Variants in THSD7A observed in about 807,000 individuals in gnomAD.
The protein encoded by THSD7A is thrombospondin type 1 domain containing 7A.
A neutral mutation model predicts 231.3 loss-of-function variants in THSD7A; 96 were observed. That is an observed-to-expected ratio of 0.41 (90% CI 0.35 to 0.49). The LOEUF (loss-of-function observed/expected upper bound fraction) is 0.49. Among genes scored for constraint, THSD7A ranks in the 20% least tolerant of loss-of-function variants. The pLI, the probability that THSD7A is intolerant of heterozygous loss-of-function variation, is 0.05. For missense variants in THSD7A, 2,290 were observed against 2,070.2 expected (o/e 1.11, Z -2.06); for synonymous variants, 940 against 743.3 (o/e 1.26, Z -4.30).
At chr7:11,524,691 C>T (rs1788401895) in intron 6 of THSD7A, among the ~76,000 whole-genome samples, 1 of 152,108 alleles carries the variant, frequency 6.6e-6, no homozygotes, top group African/African-American at 2.4e-5. Context: ...TTTTCCTCCT[C>T]TTATACACAT....
intron 1 of THSD7A, among the ~76,000 whole-genome samples, chr7:11,776,465 C>G (rs924068239): frequency 6.6e-6 from 1 of 152,140 alleles, no homozygotes; most frequent in African/African-American, 2.4e-5. Context: ...ATTATCTAGT[C>G]TCTATTCACA....
At chr7:11,649,147 G>C (rs567256368) in intron 1 of THSD7A, among the ~76,000 whole-genome samples, 1 of 152,092 alleles carries the variant, frequency 6.6e-6, no homozygotes, top group Admixed American at 6.6e-5. Context: ...ATTCAGTCTG[G>C]GGGAAGCCAT....
In THSD7A at chr7:11,576,055, G is replaced by A. The variant is rs536646415; in HGVS notation, c.1453+14405C>T. ...TTAATGCAGTGTTCCTTTCTACATT[G>A]GCTATTACAAGCTTAGAGCCAGAAG... is the stretch of plus-strand genomic sequence containing the variant. On this transcript the variant is annotated intron_variant, in intron 4 of 27. Coordinates refer to ENST00000423059, the MANE Select transcript of THSD7A (RefSeq NM_015204.3). Among the ~76,000 whole-genome samples, 9 of 152,128 alleles carry A rather than the reference G, an allele frequency of 5.9e-5. No individual in the cohort carries two copies. In the South Asian group the frequency reaches 8.3e-4, roughly 14 times the overall value.
chr7:11,417,602 A>T lies in THSD7A; in HGVS notation c.3385T>A (p.Cys1129Ser). Residue 1129 changes from cysteine to serine, a missense_variant and splice_region_variant, in exon 17 of 28, where the codon TGC (cysteine) becomes AGC (serine). By Grantham distance (112) the Cys-to-Ser change is moderately radical. Transcript: ENST00000423059. ...GGGCCATCTGCTGTATTCTGCATGC[A>T]TCTAGAAAAGAACATAAACATATTC... Reference protein sequence around the residue: ...GEGVQTRKVRCMQNTADGPSE... With the variant: ...GEGVQTRKVRSMQNTADGPSE... 1 of 1,596,224 alleles carries T rather than the reference A, an allele frequency of 6.3e-7. No individual in the cohort carries two copies. The highest frequency in any genetic ancestry group is 2.2e-5 in the East Asian group (1 of 44,784).
intron 4 of THSD7A, among the ~76,000 whole-genome samples, chr7:11,547,456 T>G (rs1212225762): frequency 6.6e-6 from 1 of 152,092 alleles, no homozygotes; most frequent in African/African-American, 2.4e-5. Flanking sequence ...TGGAGAAAAC[T>G]AACAGATATC....
At position 11,640,024 on chromosome 7, in the gene THSD7A, C is replaced by T. The variant is rs560106389; in HGVS notation, c.191-3063G>A. On this transcript the variant is annotated intron_variant, in intron 1 of 27. Coordinates refer to ENST00000423059, the MANE Select transcript of THSD7A (RefSeq NM_015204.3). ...TGCTTTGAAAATGATTCATCATTTA[C>T]TGACATCAAATTATGGAGAGCTCCC... 3.3e-5 allele frequency among the ~76,000 whole-genome samples: 5 copies of T among 152,302 alleles called. No individual in the cohort carries two copies. The South Asian group carries it at 1.0e-3, about 32-fold the overall frequency.
chr7:11,799,981 C>T lies in THSD7A; in HGVS notation c.190+31776G>A, dbSNP rs556462275. On this transcript the variant is annotated intron_variant, in intron 1 of 27. Coordinates refer to ENST00000423059, the MANE Select transcript of THSD7A (RefSeq NM_015204.3). ...CATTTAAAAATAACATAGAACAAGG[C>T]TCTTCTGTTCTTTCTTTGAGATAGG... Among the ~76,000 whole-genome samples the T allele has an allele frequency of 2.6e-5, 4 of 152,274 alleles. No individual in the cohort carries two copies. The East Asian group carries it at 7.7e-4, about 29-fold the overall frequency.
intron 1 of THSD7A, among the ~76,000 whole-genome samples, chr7:11,768,920 C>A (rs1478496916): frequency 2.7e-5 from 4 of 149,376 alleles, no homozygotes; most frequent in Non-Finnish European, 5.9e-5. Context: ...CATAGCCTAT[C>A]ATAATCCATT....
chr7:11,528,119 G>A (rs1174552715), intron 6 of THSD7A, among the ~76,000 whole-genome samples: 1 of 152,126 alleles, frequency 6.6e-6, no homozygotes, highest in East Asian at 1.9e-4. Flanking sequence ...AGTGAGCTAT[G>A]GTCATGCCAT....
At chr7:11,581,446 G>A (rs1791160406) in intron 4 of THSD7A, among the ~76,000 whole-genome samples, 2 of 151,904 alleles carry the variant, frequency 1.3e-5, no homozygotes, top group African/African-American at 4.8e-5. Context: ...TTATAATCCT[G>A]TCTGGGTAAT....
At chr7:11,641,403 G>A (rs536231407) in intron 1 of THSD7A, among the ~76,000 whole-genome samples, 145 of 151,986 alleles carry the variant, frequency 9.5e-4, no homozygotes, top group Non-Finnish European at 1.5e-3. Flanking sequence ...CAGTGCCAGC[G>A]GGAATAAAGA....
At chr7:11,430,379 T>C (rs1442785093) in intron 13 of THSD7A, among the ~76,000 whole-genome samples, 1 of 152,190 alleles carries the variant, frequency 6.6e-6, no homozygotes, top group African/African-American at 2.4e-5. Flanking sequence ...CCTCATCCCC[T>C]GACAACCATG....
intron 1 of THSD7A, among the ~76,000 whole-genome samples, chr7:11,817,535 T>C (rs533808302): frequency 6.6e-6 from 1 of 152,234 alleles, no homozygotes; most frequent in Admixed American, 6.5e-5. Context: ...GACATTCATA[T>C]GCAGATCCAA....
chr7:11,379,137 A>G lies in THSD7A; in HGVS notation c.4734T>C (p.His1578=). The G allele has an allele frequency of 6.2e-7, 1 of 1,613,588 alleles. No individual in the cohort carries two copies. The highest frequency in any genetic ancestry group is 1.3e-5 in the African/African-American group (1 of 75,008). Reference sequence around the variant, plus strand: ...CTGGGTTACTGGAGGGTTGGGTTGGATGTACAGCCCGACTGGTTTTCACAT... The same window carrying G: ...CTGGGTTACTGGAGGGTTGGGTTGGGTGTACAGCCCGACTGGTTTTCACAT... The part of the protein sequence containing the change: ...RGDVKTSRAV[H]PTQPSSNPAG... The change falls in exon 26 of 28, where the codon CAT becomes CAC. Residue 1578 remains histidine, a synonymous_variant. Coordinates refer to ENST00000423059, the MANE Select transcript of THSD7A (RefSeq NM_015204.3).
In THSD7A at chr7:11,674,174, G is replaced by A. The variant is rs143520780; in HGVS notation, c.191-37213C>T. Among the ~76,000 whole-genome samples, 196 of 152,142 alleles carry A rather than the reference G, an allele frequency of 1.3e-3. 1 individual carries two copies. The highest frequency in any genetic ancestry group is 2.0e-3 in the Non-Finnish European group (135 of 68,020). Reference sequence around the variant, plus strand: ...CACTAAATCCCCCCTTGGGACAAAGGAAGCCTGGGTACAGCTCTAGTCACT... The same window carrying A: ...CACTAAATCCCCCCTTGGGACAAAGAAAGCCTGGGTACAGCTCTAGTCACT... On this transcript the variant is annotated intron_variant, in intron 1 of 27. Coordinates refer to ENST00000423059, the MANE Select transcript of THSD7A (RefSeq NM_015204.3).
At chr7:11,658,578 A>G (rs953168594) in intron 1 of THSD7A, among the ~76,000 whole-genome samples, 5 of 151,654 alleles carry the variant, frequency 3.3e-5, no homozygotes, top group African/African-American at 1.2e-4. Flanking sequence ...CCATGTGATA[A>G]ACACTGCCCC....
At chr7:11,821,210 TG>T in intron 1 of THSD7A, 1 of 1,181,544 alleles carries the variant, frequency 8.5e-7, no homozygotes, top group Non-Finnish European at 1.3e-6. Context: ...TGGTGAACAA[TG>T]GTCACTATAT....
chr7:11,430,577 C>T (rs746557203), intron 13 of THSD7A, among the ~76,000 whole-genome samples: 2 of 152,138 alleles, frequency 1.3e-5, no homozygotes, highest in Non-Finnish European at 2.9e-5. Context: ...CCTCCTACCT[C>T]AGCCTCTTAA....
At chr7:11,732,077 G>T (rs1403694745) in intron 1 of THSD7A, among the ~76,000 whole-genome samples, 2 of 151,574 alleles carry the variant, frequency 1.3e-5, no homozygotes, top group Non-Finnish European at 3.0e-5. Flanking sequence ...TTAAAAAAAT[G>T]TTTCTCTAAA....
Sources: gnomAD v4.1 joint callset for allele counts (sites outside exome capture counted in the v4.1 genomes callset) on GRCh38, gnomAD v4.1.1 for gene constraint, MANE v1.5 for transcripts, NCBI Gene and HGNC (gene_info 2026-07-23, HGNC 2026-07-21) for gene names.